Variants in CGREF1 observed in about 807,000 individuals in gnomAD.
CGREF1 encodes cell growth regulator with EF hand domain protein 1.
In CGREF1, 16 loss-of-function variants were observed where a neutral mutation model predicts 17.4. The ratio of observed to expected loss-of-function variants is 0.92; its 90% CI spans 0.62 to 1.40. The LOEUF is 1.40. CGREF1 is among the 40% of genes most tolerant of loss of function. The pLI is 0.00. For synonymous variants in CGREF1, 142 were observed against 154.6 expected (o/e 0.92, Z 0.61); for missense variants, 296 against 376.4 (o/e 0.79, Z 1.77).
chr2:27,104,441 G>C (rs747762873), intron 1 of CGREF1, 64 bp from the exon 2 acceptor site: 1 of 1,587,284 alleles, frequency 6.3e-7, no homozygotes, highest in Non-Finnish European at 8.6e-7. Context: ...TCACAGATGG[G>C]CTGGGTTAGA....
At chr2:27,118,507 TC>T (rs1178869033) in intron 1 of CGREF1, among the ~76,000 whole-genome samples, 1 of 151,948 alleles carries the variant, frequency 6.6e-6, no homozygotes, top group Non-Finnish European at 1.5e-5. Context: ...CTCCATTTCT[TC>T]CCCGTCGGAT....
chr2:27,100,747 T>G lies in CGREF1; in HGVS notation c.*527A>C. On this transcript the variant is annotated 3_prime_UTR_variant, in exon 6 of 6. Transcript: ENST00000402394. ...AAAATCATATATAAAATGCCCAGCA[T>G]GATGCCTGATGTGTACAAGGCTCTC... 2.6e-6 allele frequency: 3 copies of G among 1,156,566 alleles called. No homozygotes were observed. Among genetic ancestry groups the G allele is most frequent in the Non-Finnish European group, 3.3e-6 (3 of 914,690 alleles). The allele number at this position is 1,156,566 out of a possible 1,614,324, so 71.6% of individuals were successfully genotyped here. A position where few individuals can be genotyped will look rare whatever the true frequency, so the allele number is the denominator to read the frequency against.
downstream of CGREF1, chr2:27,099,429 T>C (rs749887208): frequency 6.2e-7 from 1 of 1,613,774 alleles, no homozygotes; most frequent in East Asian, 2.2e-5. Context: ...GGGCTGTGCT[T>C]GTCTGTGCCT....
chr2:27,115,805 A>C (rs1671544286), intron 1 of CGREF1, among the ~76,000 whole-genome samples: 1 of 152,222 alleles, frequency 6.6e-6, no homozygotes, highest in Non-Finnish European at 1.5e-5. Context: ...GAGTCTCCTA[A>C]AATACTTTCC....
chr2:27,108,926 G>C (rs1409271424), intron 1 of CGREF1, among the ~76,000 whole-genome samples: 2 of 151,948 alleles, frequency 1.3e-5, no homozygotes, highest in African/African-American at 4.8e-5. Context: ...GGGACGACAT[G>C]AATGTGCCAC....
rs1670951364 is a variant in CGREF1 at position 27,102,723 on chromosome 2, C to T, written c.81-132G>A. ...GGAGTTGCCCCCAAAATTCCAAAAA[C>T]CCTGTAGTGGGGAGGCTCTTCTGGT... On this transcript the variant is annotated intron_variant, in intron 2 of 5. Transcript: ENST00000402394. The T allele has an allele frequency of 2.8e-6, 3 of 1,068,396 alleles. No individual in the cohort carries two copies. The East Asian group carries it at 7.8e-5, about 28-fold the overall frequency. The allele number at this position is 1,068,396 out of a possible 1,614,324, so 66.2% of individuals were successfully genotyped here. A position where few individuals can be genotyped will look rare whatever the true frequency, so the allele number is the denominator to read the frequency against.
intron 1 of CGREF1, among the ~76,000 whole-genome samples, chr2:27,116,902 T>TCC (rs1671598499): frequency 7.5e-6 from 1 of 134,072 alleles, no homozygotes; most frequent in African/African-American, 2.9e-5. Flanking sequence ...TCTCTCTCTC[T>TCC]CTCTCTCTCT....
rs544960501 is a variant in CGREF1, at chr2:27,102,948, T to G, written c.81-357A>C. On this transcript the variant is annotated intron_variant, in intron 2 of 5. Transcript: ENST00000402394. ...TGGGTCACAGACCCCTCTCCTTCCA[T>G]GCTGGGAGCCAAGGGACAGGTCTCT... The G allele has an allele frequency of 1.5e-5, 15 of 985,462 alleles. No individual in the cohort carries two copies. The East Asian group carries it at 1.7e-3, about 112-fold the overall frequency. 61.0% of individuals were successfully genotyped at this position (985,462 alleles called of 1,614,324 possible).
At position 27,104,298 on chromosome 2, in the gene CGREF1, A is replaced by G. The variant is rs1397577308; in HGVS notation, c.69T>C (p.Asp23=). ...CATAACCCTGTTACCTTGTGACTCC[A>G]TCCTTTGGGGCAGCCTGACCCGTGG... The part of the protein sequence containing the change: ...LLPTGQAAPK[D]GVTRPDSEVQ... Residue 23 remains aspartate (D), a synonymous_variant, in exon 2 of 6, where the codon GAT becomes GAC. Transcript: ENST00000402394. The G allele has an allele frequency of 1.0e-5, 16 of 1,562,260 alleles. No homozygotes were observed. Among genetic ancestry groups the G allele is most frequent in the Non-Finnish European group, 1.4e-5 (16 of 1,153,894 alleles).
chr2:27,099,796 C>G, downstream of CGREF1: 1 of 1,599,084 alleles, frequency 6.3e-7, no homozygotes, highest in Non-Finnish European at 8.5e-7. Flanking sequence ...ACCATTGCGG[C>G]TGCATCGCCT....
chr2:27,110,234 A>G (rs1671310989), intron 1 of CGREF1, among the ~76,000 whole-genome samples: 1 of 152,082 alleles, frequency 6.6e-6, no homozygotes, highest in Non-Finnish European at 1.5e-5. Flanking sequence ...GTCTCTACAG[A>G]AAATAATTTT....
At chr2:27,100,546 ATAATG>A (rs1342547452), downstream of CGREF1, 2 of 1,290,506 alleles carry the variant, frequency 1.5e-6, no homozygotes, top group South Asian at 1.2e-5. Flanking sequence ...GTAAGGCCTT[ATAATG>A]TAAAGAGCAT....
Position 27,113,836 on chromosome 2 carries a change from C to A in CGREF1, c.-12+5010G>T, listed in dbSNP as rs541041656. Among the ~76,000 whole-genome samples the A allele has an allele frequency of 2.6e-5, 4 of 152,228 alleles. No homozygotes were observed. The South Asian group carries it at 6.2e-4, about 24-fold the overall frequency. ...GGCCCCACAGTGGCTTCACACACCCCCTTCCCACCTGGCTCCTCTCAAATT... is the reference window on the plus strand; with the variant it reads ...GGCCCCACAGTGGCTTCACACACCCACTTCCCACCTGGCTCCTCTCAAATT... On this transcript the variant is annotated intron_variant, in intron 1 of 5. Transcript: ENST00000402394.
intron 1 of CGREF1, among the ~76,000 whole-genome samples, chr2:27,107,101 AG>A (rs1480407314): frequency 6.6e-6 from 1 of 152,246 alleles, no homozygotes; most frequent in Non-Finnish European, 1.5e-5. Flanking sequence ...TAAAGTTTCC[AG>A]GAATATGAAC....
In CGREF1 at chr2:27,101,714, C is replaced by G; in HGVS notation, c.517G>C (p.Ala173Pro). The change falls in exon 6 of 6, where the codon GCT (alanine) becomes CCT (proline). Residue 173 changes from alanine (A) to proline (P), a missense_variant. Coordinates refer to ENST00000402394, the MANE Select transcript of CGREF1 (RefSeq NM_006569.6). ...GTTTCTTGTCTTAATGGGCTTTTAGCTAATAGGGACTGCCTTCCAACAGCT... is the reference window on the plus strand; with the variant it reads ...GTTTCTTGTCTTAATGGGCTTTTAGGTAATAGGGACTGCCTTCCAACAGCT... ...PQAVGRQSLLAKSPLRQETQE... is the reference protein window; with the variant it reads ...PQAVGRQSLLPKSPLRQETQE... 6.2e-7 allele frequency: 1 copy of G among 1,614,220 alleles called. No individual in the cohort carries two copies. The highest frequency in any genetic ancestry group is 1.3e-5 in the African/African-American group (1 of 75,058).
Position 27,115,859 on chromosome 2 carries a change from A to C in CGREF1, c.-12+2987T>G, listed in dbSNP as rs74510402. ...TTTTGCCCAACCTGTTCCATCCTCA[A>C]TCTGGAATGTCCTGGGCCCTCCTGA... is the stretch of plus-strand genomic sequence containing the variant. On this transcript the variant is annotated intron_variant, in intron 1 of 5. Transcript: ENST00000402394. 6.5e-3 allele frequency among the ~76,000 whole-genome samples: 984 copies of C among 152,240 alleles called. 12 individuals carry two copies. Among genetic ancestry groups the C allele is most frequent in the African/African-American group, 0.017 (707 of 41,548 alleles).
At chr2:27,118,269 T>TCACA (rs1446793369) in intron 1 of CGREF1, among the ~76,000 whole-genome samples, 5 of 152,116 alleles carry the variant, frequency 3.3e-5, no homozygotes, top group African/African-American at 1.2e-4. Context: ...ACCTAGCACC[T>TCACA]CACAGGCCGG....
In CGREF1 at chr2:27,102,112, A is replaced by G; in HGVS notation, c.327T>C (p.Ser109=). 1 of 1,606,912 alleles carries G rather than the reference A, an allele frequency of 6.2e-7. No individual in the cohort carries two copies. Among genetic ancestry groups the G allele is most frequent in the African/African-American group, 1.3e-5 (1 of 74,850 alleles). Reference sequence around the variant, plus strand: ...CAGAGCTTACCGGGTTGGTGGTAGGAGAGTTGGCAGCTCCAGGGGCCAGAG... The same window carrying G: ...CAGAGCTTACCGGGTTGGTGGTAGGGGAGTTGGCAGCTCCAGGGGCCAGAG... ...TAALAPGAAN[S]PTTNPVILIV... The change falls in exon 5 of 6, where the codon TCT becomes TCC. Residue 109 remains serine (S), a synonymous_variant. Transcript: ENST00000402394.
Position 27,104,397 on chromosome 2 carries a change from CAG to C in CGREF1, c.-11-22_-11-21del, listed in dbSNP as rs1219563697. ...CTGGAACTGGAACAAGGAAGAGAATCAGGGGTCGGGGGAAAGAGGCGTCTGCC... is the reference window on the plus strand; with the variant it reads ...CTGGAACTGGAACAAGGAAGAGAATCGGGTCGGGGGAAAGAGGCGTCTGCC... On this transcript the variant is annotated intron_variant, in intron 1 of 5. Transcript: ENST00000402394. 6.2e-7 allele frequency: 1 copy of C among 1,612,830 alleles called. No individual in the cohort carries two copies. Among genetic ancestry groups the C allele is most frequent in the Admixed American group, 1.7e-5 (1 of 59,830 alleles).
Sources: allele counts gnomAD v4.1 joint callset (sites outside exome capture counted in the v4.1 genomes callset), GRCh38; gene constraint gnomAD v4.1.1; transcripts MANE v1.5; gene names NCBI Gene and HGNC (gene_info 2026-07-23, HGNC 2026-07-21).